The following PLEKHA7 variants were observed in gnomAD, a reference collection of about 807,000 sequenced individuals.
PLEKHA7 encodes pleckstrin homology domain containing A7, also known as pleckstrin homology domain-containing family A member 7.
In PLEKHA7, 104 loss-of-function variants were observed where a neutral mutation model predicts 170.0. That is an observed-to-expected ratio of 0.61 (90% CI 0.52 to 0.72). The LOEUF (loss-of-function observed/expected upper bound fraction) is 0.72. Ranked by LOEUF, PLEKHA7 falls within the 30% of genes least tolerant of loss-of-function variation. The pLI is 0.00. For missense variants in PLEKHA7, 1,615 were observed against 1,671.7 expected (o/e 0.97, Z 0.59); for synonymous variants, 648 against 660.8 (o/e 0.98, Z 0.30).
chr11:16,867,090 G>A (rs548410573), intron 4 of PLEKHA7, among the ~76,000 whole-genome samples: 2 of 152,226 alleles, frequency 1.3e-5, no homozygotes, highest in East Asian at 1.9e-4. Flanking sequence ...ACTTGGGGGT[G>A]GGGGGTGAAG....
At chr11:17,009,498 G>T (rs1865199237) in intron 3 of PLEKHA7, among the ~76,000 whole-genome samples, 1 of 152,104 alleles carries the variant, frequency 6.6e-6, no homozygotes, top group Non-Finnish European at 1.5e-5. Context: ...AGATTAGGCT[G>T]TTATATAATT....
intron 3 of PLEKHA7, among the ~76,000 whole-genome samples, chr11:16,985,770 C>T (rs925841543): frequency 1.3e-5 from 2 of 152,228 alleles, no homozygotes; most frequent in Non-Finnish European, 2.9e-5. Flanking sequence ...ATTACACAGA[C>T]TAAGGTGATA....
rs567011922 is a variant in PLEKHA7 at position 16,985,754 on chromosome 11, A to G, written c.221+28235T>C. Among the ~76,000 whole-genome samples the G allele has an allele frequency of 2.3e-3, 345 of 152,380 alleles. 3 individuals are homozygous for G. The highest frequency in any genetic ancestry group is 4.3e-3 in the Non-Finnish European group (291 of 68,036). On this transcript the variant is annotated intron_variant, in intron 3 of 26. Coordinates refer to ENST00000531066, the MANE Select transcript of PLEKHA7 (RefSeq NM_001329630.2). ...TCACAGGCTAATGAGGGAGAGACAG[A>G]GAGACATTACACAGACTAAGGTGAT...
chr11:16,837,718 A>G (rs544259051), intron 9 of PLEKHA7, among the ~76,000 whole-genome samples: 1 of 152,358 alleles, frequency 6.6e-6, no homozygotes, highest in East Asian at 1.9e-4. Context: ...GTCTCTGCTT[A>G]GGGAAGATGA....
Position 16,817,389 on chromosome 11 carries a change from T to A in PLEKHA7, c.1344-67A>T. The A allele has an allele frequency of 6.8e-7, 1 of 1,468,612 alleles. No individual in the cohort carries two copies. Among genetic ancestry groups the A allele is most frequent in the Non-Finnish European group, 9.2e-7 (1 of 1,092,510 alleles). 91.0% of individuals were successfully genotyped at this position (1,468,612 alleles called of 1,614,324 possible). ...GGTTCTGCAGGCTTTGGGGAACATA[T>A]CTAAGTAAACCCACAAAGCTGGGCA... On this transcript the variant is annotated intron_variant, in intron 10 of 26. Transcript: ENST00000531066. The surrounding 1 kb of genome is among the most constrained non-coding windows in gnomAD (Gnocchi z 4.4).
At chr11:16,857,313 T>C (rs1448791391) in intron 4 of PLEKHA7, among the ~76,000 whole-genome samples, 2 of 152,192 alleles carry the variant, frequency 1.3e-5, no homozygotes, top group Non-Finnish European at 2.9e-5. Context: ...CAGCAGGAGA[T>C]GCAAGTCCTA....
At chr11:16,978,514 C>T (rs747811769) in intron 3 of PLEKHA7, among the ~76,000 whole-genome samples, 16 of 152,294 alleles carry the variant, frequency 1.1e-4, no homozygotes, top group South Asian at 2.1e-4. Flanking sequence ...AGATGCTGCA[C>T]GTGTGGTTTT....
rs1847787610 is a variant in PLEKHA7 at position 16,790,797 on chromosome 11, C to T, written c.3052+1G>A. Reference sequence around the variant, plus strand: ...AAACTCCAGGGAGGGCCCTGCCTTACCTCTGCCTGGCAGCGTCTGGTACCT... The same window carrying T: ...AAACTCCAGGGAGGGCCCTGCCTTATCTCTGCCTGGCAGCGTCTGGTACCT... On this transcript the variant is annotated splice_donor_variant, in intron 21 of 26. Coordinates refer to ENST00000531066, the MANE Select transcript of PLEKHA7 (RefSeq NM_001329630.2). LOFTEE classifies it high-confidence loss of function. 1 of 1,608,344 alleles carries T rather than the reference C, an allele frequency of 6.2e-7. No homozygotes were observed. Among genetic ancestry groups the T allele is most frequent in the Non-Finnish European group, 8.5e-7 (1 of 1,177,642 alleles).
intron 3 of PLEKHA7, among the ~76,000 whole-genome samples, chr11:16,890,744 G>A (rs1241773317): frequency 6.6e-6 from 1 of 151,822 alleles, no homozygotes; most frequent in Non-Finnish European, 1.5e-5. Context: ...ATTAACACTA[G>A]GTTCCCGAAA....
At chr11:16,797,193 G>T (rs998623877) in intron 17 of PLEKHA7, among the ~76,000 whole-genome samples, 2 of 152,152 alleles carry the variant, frequency 1.3e-5, no homozygotes, top group African/African-American at 4.8e-5. Flanking sequence ...GGTCTGATGG[G>T]GTTAAGGGAC....
At chr11:16,903,541 C>G (rs1196521351) in intron 3 of PLEKHA7, among the ~76,000 whole-genome samples, 3 of 152,118 alleles carry the variant, frequency 2.0e-5, no homozygotes, top group Non-Finnish European at 2.9e-5. Flanking sequence ...TGCCAACACT[C>G]AGGGATTATG....
At chr11:16,846,042 T>C (rs1251077143) in intron 8 of PLEKHA7, among the ~76,000 whole-genome samples, 2 of 152,060 alleles carry the variant, frequency 1.3e-5, no homozygotes, top group Admixed American at 6.6e-5. Context: ...CCCAGCACTT[T>C]TGGAGGCCGA....
chr11:16,799,532 T>C (rs761401084), intron 17 of PLEKHA7, among the ~76,000 whole-genome samples: 23 of 151,952 alleles, frequency 1.5e-4, no homozygotes, highest in Non-Finnish European at 3.4e-4. Context: ...GAACAAAGAA[T>C]GAAAAGCTTA....
chr11:16,789,915 TG>T lies in PLEKHA7; in HGVS notation c.3053-38del, dbSNP rs747684686. On this transcript the variant is annotated intron_variant, in intron 21 of 26. Coordinates refer to ENST00000531066, the MANE Select transcript of PLEKHA7 (RefSeq NM_001329630.2). The surrounding 1 kb of genome is among the most constrained non-coding windows in gnomAD (Gnocchi z 4.6). Reference sequence around the variant, plus strand: ...AAGAGAAGTGCAAGCATGTTTGTGCTGGGGTGGATGGGTCCCTGCTTCTCCC... The same window carrying T: ...AAGAGAAGTGCAAGCATGTTTGTGCTGGGTGGATGGGTCCCTGCTTCTCCC... 1.1e-5 allele frequency: 17 copies of T among 1,550,736 alleles called. No homozygotes were observed. Among genetic ancestry groups the T allele is most frequent in the Non-Finnish European group, 1.5e-5 (17 of 1,123,114 alleles).
intron 3 of PLEKHA7, among the ~76,000 whole-genome samples, chr11:17,010,806 C>G (rs1476168000): frequency 6.6e-6 from 1 of 151,974 alleles, no homozygotes; most frequent in Non-Finnish European, 1.5e-5. Context: ...ATCAAACATT[C>G]AGAAATGCTC....
At chr11:16,793,363 AAGG>A (rs1413224718) in intron 19 of PLEKHA7, among the ~76,000 whole-genome samples, 6 of 152,200 alleles carry the variant, frequency 3.9e-5, no homozygotes, top group Non-Finnish European at 2.9e-5. Context: ...TGGGATTGGG[AAGG>A]AGATCTCAAG....
At chr11:16,784,230 G>C (rs1849251400) in intron 24 of PLEKHA7, among the ~76,000 whole-genome samples, 1 of 152,168 alleles carries the variant, frequency 6.6e-6, no homozygotes, top group South Asian at 2.1e-4. Context: ...TGTTCTGTCT[G>C]GGAAGCTCTT....
Position 16,783,699 on chromosome 11 carries a change from C to A in PLEKHA7, c.3650+1G>T, listed in dbSNP as rs1849211123. 6.9e-7 allele frequency: 1 copy of A among 1,445,986 alleles called. No homozygotes were observed. The highest frequency in any genetic ancestry group is 9.1e-7 in the Non-Finnish European group (1 of 1,100,672). The allele number at this position is 1,445,986 out of a possible 1,614,324, so 89.6% of individuals were successfully genotyped here. A position where few individuals can be genotyped will look rare whatever the true frequency, so the allele number is the denominator to read the frequency against. On this transcript the variant is annotated splice_donor_variant, in intron 25 of 26. Transcript: ENST00000531066. LOFTEE classifies it high-confidence loss of function. ...CAACACTTGAGCAAGCGAGGGCTGA[C>A]CTTGACCGGGCGAGGATGTTGCGGA...
intron 3 of PLEKHA7, among the ~76,000 whole-genome samples, chr11:16,890,848 A>AAT (rs1028999568): frequency 1.8e-4 from 28 of 151,656 alleles, no homozygotes; most frequent in East Asian, 1.7e-3. Context: ...AACATGAAAA[A>AAT]ATATATATAT....
Sources: allele counts gnomAD v4.1 joint callset (sites outside exome capture counted in the v4.1 genomes callset), GRCh38; gene constraint gnomAD v4.1.1; non-coding constraint Gnocchi (gnomAD v3.1); transcripts MANE v1.5; gene names NCBI Gene and HGNC (gene_info 2026-07-23, HGNC 2026-07-21).